The following ITGBL1 variants were observed in gnomAD, a reference collection of about 807,000 sequenced individuals.
ITGBL1 encodes the protein integrin subunit beta like 1.
ITGBL1 carries 51 observed loss-of-function variants against 68.5 expected under a neutral mutation model. That is an observed-to-expected ratio of 0.74 (90% CI 0.59 to 0.94). ITGBL1 has a LOEUF of 0.94. Among genes scored for constraint, ITGBL1 ranks in the 40% least tolerant of loss-of-function variants. ITGBL1 has a pLI of 0.00. For missense variants in ITGBL1, 649 were observed against 647.4 expected (o/e 1.00, Z -0.03); for synonymous variants, 209 against 227.3 (o/e 0.92, Z 0.72).
chr13:101,558,048 C>A (rs1463404171), intron 2 of ITGBL1, among the ~76,000 whole-genome samples: 2 of 134,884 alleles, frequency 1.5e-5, no homozygotes, highest in East Asian at 4.3e-4. Context: ...GAGATCGCGC[C>A]ACTCCAGCCT....
intron 2 of ITGBL1, among the ~76,000 whole-genome samples, chr13:101,487,415 A>G (rs192227754): frequency 1.0e-3 from 154 of 152,376 alleles, no homozygotes; most frequent in Non-Finnish European, 1.8e-3. Flanking sequence ...CATTAAAAAA[A>G]GAAAGTTAGG....
At chr13:101,648,972 A>G (rs1238055771) in intron 7 of ITGBL1, among the ~76,000 whole-genome samples, 2 of 152,160 alleles carry the variant, frequency 1.3e-5, no homozygotes, top group Admixed American at 1.3e-4. Context: ...ATGATAAGTG[A>G]TACTAAGATT....
At chr13:101,561,228 A>G (rs1207913633) in intron 2 of ITGBL1, among the ~76,000 whole-genome samples, 1 of 152,128 alleles carries the variant, frequency 6.6e-6, no homozygotes, top group Non-Finnish European at 1.5e-5. Context: ...TCAGATTTGT[A>G]TCTATAAATC....
intron 7 of ITGBL1, among the ~76,000 whole-genome samples, chr13:101,675,764 C>T (rs1300985745): frequency 3.9e-5 from 6 of 151,924 alleles, no homozygotes; most frequent in Non-Finnish European, 8.8e-5. Flanking sequence ...CTTTCTGCCT[C>T]ATTCTATCTT....
intron 3 of ITGBL1, 36 bp from the exon 4 acceptor site, chr13:101,575,388 A>C (rs536635766): frequency 5.0e-6 from 8 of 1,592,530 alleles, no homozygotes; most frequent in Non-Finnish European, 6.9e-6. Flanking sequence ...TTTTATGTGC[A>C]TGTAACAAAC....
intron 7 of ITGBL1, among the ~76,000 whole-genome samples, chr13:101,611,283 A>G (rs571399127): frequency 2.6e-5 from 4 of 152,196 alleles, no homozygotes; most frequent in East Asian, 3.9e-4. Flanking sequence ...TAAAATGCCA[A>G]GTTTTATTTA....
In ITGBL1 at chr13:101,677,652, C is replaced by T. The variant is rs184006789; in HGVS notation, c.1016-14933C>T. 1.4e-3 allele frequency among the ~76,000 whole-genome samples: 215 copies of T among 152,246 alleles called. 1 individual carries two copies. Among genetic ancestry groups the T allele is most frequent in the Non-Finnish European group, 2.5e-3 (167 of 68,012 alleles). ...CATCTGGGAGGAGAAATGTATTCCC[C>T]CTTATGCTAATCCATTCCATTCAGG... On this transcript the variant is annotated intron_variant, in intron 7 of 10. Transcript: ENST00000376180.
chr13:101,509,159 G>A (rs1175341084), intron 2 of ITGBL1, among the ~76,000 whole-genome samples: 1 of 152,134 alleles, frequency 6.6e-6, no homozygotes, highest in Non-Finnish European at 1.5e-5. Context: ...GCAAGGAGGA[G>A]CAAGTCACAT....
At chr13:101,719,018 T>A (rs750556174), downstream of ITGBL1, 1 of 152,100 alleles carries the variant, frequency 6.6e-6, no homozygotes, top group Non-Finnish European at 1.5e-5. Flanking sequence ...TTTCCCTTGA[T>A]ATAGCCTTGT....
chr13:101,494,581 C>G (rs1473883957), intron 2 of ITGBL1, among the ~76,000 whole-genome samples: 1 of 151,952 alleles, frequency 6.6e-6, no homozygotes, highest in Non-Finnish European at 1.5e-5. Flanking sequence ...GACAATAATC[C>G]AGAAGAAGGA....
intron 7 of ITGBL1, among the ~76,000 whole-genome samples, chr13:101,676,883 G>A (rs748803708): frequency 6.6e-6 from 1 of 152,170 alleles, no homozygotes. Context: ...TCTCACACCT[G>A]TAATCCCAGC....
At chr13:101,498,057 T>G (rs2048883049) in intron 2 of ITGBL1, among the ~76,000 whole-genome samples, 1 of 152,144 alleles carries the variant, frequency 6.6e-6, no homozygotes, top group South Asian at 2.1e-4. Context: ...TTCCATTCAG[T>G]TTTATGATTT....
chr13:101,611,196 G>A (rs745611022), intron 7 of ITGBL1, among the ~76,000 whole-genome samples: 29 of 152,150 alleles, frequency 1.9e-4, no homozygotes, highest in Non-Finnish European at 3.8e-4. Flanking sequence ...ATTGTCTTAT[G>A]AGGTTAATTG....
intron 3 of ITGBL1, among the ~76,000 whole-genome samples, chr13:101,569,393 A>G (rs1055614775): frequency 1.3e-5 from 2 of 152,188 alleles, no homozygotes; most frequent in African/African-American, 4.8e-5. Context: ...AACATACAGA[A>G]GTGTTTCAGT....
At chr13:101,636,167 G>T (rs1193010896) in intron 7 of ITGBL1, among the ~76,000 whole-genome samples, 1 of 151,846 alleles carries the variant, frequency 6.6e-6, no homozygotes, top group Non-Finnish European at 1.5e-5. Flanking sequence ...CTATATGTTG[G>T]TCAACAGATT....
intron 7 of ITGBL1, among the ~76,000 whole-genome samples, chr13:101,633,690 G>C (rs1324889187): frequency 6.6e-6 from 1 of 152,186 alleles, no homozygotes; most frequent in African/African-American, 2.4e-5. Flanking sequence ...AATACGTGAA[G>C]AGTTGCAGCT....
At chr13:101,512,048 CT>C (rs2049124367) in intron 2 of ITGBL1, among the ~76,000 whole-genome samples, 1 of 152,090 alleles carries the variant, frequency 6.6e-6, no homozygotes, top group South Asian at 2.1e-4. Flanking sequence ...AATAATACCC[CT>C]CTGACAAATA....
At chr13:101,647,783 G>A (rs535543624) in intron 7 of ITGBL1, among the ~76,000 whole-genome samples, 42 of 152,218 alleles carry the variant, frequency 2.8e-4, no homozygotes, top group African/African-American at 8.9e-4. Flanking sequence ...GACAAAGGAG[G>A]TGCGAAAAAG....
intron 2 of ITGBL1, among the ~76,000 whole-genome samples, chr13:101,510,250 A>T (rs1181650949): frequency 6.6e-6 from 1 of 152,116 alleles, no homozygotes; most frequent in Non-Finnish European, 1.5e-5. Flanking sequence ...TGTAAGTGAG[A>T]ACATGTGGTA....
Sources: gnomAD v4.1 joint callset for allele counts (sites outside exome capture counted in the v4.1 genomes callset) on GRCh38, gnomAD v4.1.1 for gene constraint, MANE v1.5 for transcripts, NCBI Gene and HGNC (gene_info 2026-07-23, HGNC 2026-07-21) for gene names.